FHOD3: variants seen among roughly 807,000 people sequenced by gnomAD.
The protein encoded by FHOD3 is formin homology 2 domain containing 3, also known as FH1/FH2 domain-containing protein 3.
Under a neutral mutation model 173.0 loss-of-function variants are expected in FHOD3, and 90 were observed. The ratio of observed to expected loss-of-function variants is 0.52; its 90% CI spans 0.44 to 0.62. The LOEUF (loss-of-function observed/expected upper bound fraction) is 0.62, where lower values mean the gene tolerates loss of function less well. FHOD3 is among the 20% of genes least tolerant of loss of function. The pLI is 0.00. For synonymous variants in FHOD3, 828 were observed against 823.0 expected (o/e 1.01, Z -0.10); for missense variants, 1,945 against 2,034.7 (o/e 0.96, Z 0.85).
At position 36,514,095 on chromosome 18, in the gene FHOD3, G is replaced by A. The variant is rs181636136; in HGVS notation, c.511+1552G>A. ...GCGATCTCGGCTCACTGCAAGCTCCGCCTCCCGGATTCACGCCATTCTCCT... is the reference window on the plus strand; with the variant it reads ...GCGATCTCGGCTCACTGCAAGCTCCACCTCCCGGATTCACGCCATTCTCCT... On this transcript the variant is annotated intron_variant, in intron 5 of 28. Coordinates refer to ENST00000590592, the MANE Select transcript of FHOD3 (RefSeq NM_001281740.3). 1.7e-3 allele frequency among the ~76,000 whole-genome samples: 250 copies of A among 143,472 alleles called. 3 individuals are homozygous for A. The highest frequency in any genetic ancestry group is 2.8e-3 in the Non-Finnish European group (186 of 66,670). The allele number at this position is 143,472 out of a possible 152,430, so 94.1% of individuals were successfully genotyped here.
intron 3 of FHOD3, among the ~76,000 whole-genome samples, chr18:36,478,545 C>T (rs1213322721): frequency 6.6e-6 from 1 of 152,158 alleles, no homozygotes; most frequent in Non-Finnish European, 1.5e-5. Context: ...ACCATCCCCA[C>T]TCCCTCTGCC....
intron 5 of FHOD3, among the ~76,000 whole-genome samples, chr18:36,543,386 T>C (rs2057298124): frequency 6.6e-6 from 1 of 152,120 alleles, no homozygotes; most frequent in Non-Finnish European, 1.5e-5. Context: ...TTCAGAGAGA[T>C]CCACTAGCAG....
intron 10 of FHOD3, among the ~76,000 whole-genome samples, chr18:36,646,532 C>A (rs1221182187): frequency 6.6e-6 from 1 of 152,170 alleles, no homozygotes; most frequent in Non-Finnish European, 1.5e-5. Context: ...GTCCAGAAAT[C>A]TACAAATATA....
chr18:36,353,734 A>G (rs1293277787), intron 1 of FHOD3, among the ~76,000 whole-genome samples: 1 of 152,196 alleles, frequency 6.6e-6, no homozygotes, highest in Non-Finnish European at 1.5e-5. Flanking sequence ...ATCATTCTAT[A>G]TGTAATATAA....
chr18:36,696,862 G>T (rs557176323), intron 17 of FHOD3, among the ~76,000 whole-genome samples: 2 of 152,268 alleles, frequency 1.3e-5, no homozygotes, highest in South Asian at 2.1e-4. Context: ...CCAAAGTTTG[G>T]GCAAACATGG....
At chr18:36,600,606 A>C (rs2031236252) in intron 7 of FHOD3, among the ~76,000 whole-genome samples, 1 of 152,248 alleles carries the variant, frequency 6.6e-6, no homozygotes, top group Non-Finnish European at 1.5e-5. Flanking sequence ...AACACAGCTA[A>C]AAACACGTTT....
Position 36,649,389 on chromosome 18 carries a change from T to A in FHOD3, c.1270T>A (p.Cys424Ser), listed in dbSNP as rs1187833783. The change falls in exon 11 of 29, where the codon TGT becomes AGT. Residue 424 changes from cysteine to serine, a missense_variant. By Grantham distance (112) the Cys-to-Ser change is moderately radical. Coordinates refer to ENST00000590592, the MANE Select transcript of FHOD3 (RefSeq NM_001281740.3). ...AGAAGAGAGAGAGGATGATGCTTCC[T>A]GTCAGGGCAAGGACAGGTACCTAGG... ...SEEEREDDAS[C>S]QGKDSKVGAA... The A allele has an allele frequency of 2.0e-6, 3 of 1,535,652 alleles. No individual in the cohort carries two copies. The highest frequency in any genetic ancestry group is 2.6e-6 in the Non-Finnish European group (3 of 1,146,654).
intron 3 of FHOD3, among the ~76,000 whole-genome samples, chr18:36,449,470 G>A (rs554095902): frequency 6.6e-6 from 1 of 152,246 alleles, no homozygotes; most frequent in South Asian, 2.1e-4. Context: ...CCTGCCTAAT[G>A]TCTGAGAGAC....
chr18:36,369,825 T>C (rs2047090369), intron 2 of FHOD3, among the ~76,000 whole-genome samples: 2 of 152,148 alleles, frequency 1.3e-5, no homozygotes, highest in Non-Finnish European at 2.9e-5. Flanking sequence ...CAGGGACTCT[T>C]TTTATCCTTT....
intron 1 of FHOD3, among the ~76,000 whole-genome samples, chr18:36,306,026 A>C (rs879645231): frequency 7.2e-5 from 11 of 152,358 alleles, no homozygotes; most frequent in Non-Finnish European, 1.5e-4. Flanking sequence ...AAATGAAAGC[A>C]AAATGAAATA....
chr18:36,331,397 G>A (rs1598737763), intron 1 of FHOD3, among the ~76,000 whole-genome samples: 1 of 152,198 alleles, frequency 6.6e-6, no homozygotes, highest in Admixed American at 6.5e-5. Context: ...GTAGATAAAC[G>A]TGGCAGAGTT....
At chr18:36,414,016 CT>C (rs2049495260) in intron 3 of FHOD3, among the ~76,000 whole-genome samples, 1 of 151,994 alleles carries the variant, frequency 6.6e-6, no homozygotes. Context: ...TTAAGTTGGG[CT>C]TATAGAAGCA....
chr18:36,488,706 A>G (rs1409714743), intron 3 of FHOD3, among the ~76,000 whole-genome samples: 1 of 152,130 alleles, frequency 6.6e-6, no homozygotes, highest in Non-Finnish European at 1.5e-5. Context: ...TGGAATGTGT[A>G]TTTTAAATCC....
chr18:36,690,087 G>A (rs11659977), intron 16 of FHOD3, among the ~76,000 whole-genome samples: 25,789 of 151,994 alleles, frequency 0.17, 2,333 homozygotes, highest in Non-Finnish European at 0.2. Context: ...GAGCTCTGGC[G>A]GATGTTGGAG....
chr18:36,776,386 T>C (rs1341912556), intron 28 of FHOD3, among the ~76,000 whole-genome samples: 1 of 152,140 alleles, frequency 6.6e-6, no homozygotes, highest in Non-Finnish European at 1.5e-5. Context: ...AGCAGACAGA[T>C]GGTTGACCAA....
chr18:36,740,153 T>G (rs566870062), intron 20 of FHOD3, among the ~76,000 whole-genome samples: 12 of 152,232 alleles, frequency 7.9e-5, no homozygotes, highest in Non-Finnish European at 1.3e-4. Flanking sequence ...TTTATTAGCT[T>G]GTATTTATGG....
At chr18:36,309,317 G>A (rs371987841) in intron 1 of FHOD3, among the ~76,000 whole-genome samples, 1 of 151,982 alleles carries the variant, frequency 6.6e-6, no homozygotes, top group East Asian at 1.9e-4. Context: ...GGCAAGTGTG[G>A]CCACAGTGGC....
intron 3 of FHOD3, among the ~76,000 whole-genome samples, chr18:36,474,705 TC>T (rs2053461420): frequency 6.6e-6 from 1 of 152,034 alleles, no homozygotes; most frequent in African/African-American, 2.4e-5. Flanking sequence ...CTCAGTTGGT[TC>T]AACAACCACA....
At chr18:36,585,465 G>A (rs935502269) in intron 6 of FHOD3, among the ~76,000 whole-genome samples, 5 of 151,924 alleles carry the variant, frequency 3.3e-5, no homozygotes, top group Non-Finnish European at 5.9e-5. Flanking sequence ...AAGGGAAAAA[G>A]CAAGTTTTAC....
Sources: gnomAD v4.1 joint callset for allele counts (sites outside exome capture counted in the v4.1 genomes callset) on GRCh38, gnomAD v4.1.1 for gene constraint, MANE v1.5 for transcripts, NCBI Gene and HGNC (gene_info 2026-07-23, HGNC 2026-07-21) for gene names.